Variants in NLRP7 observed in about 807,000 individuals in gnomAD.
NLRP7 encodes NACHT, LRR and PYD domains-containing protein 7.
NLRP7 carries 72 observed loss-of-function variants against 85.5 expected under a neutral mutation model. That is an observed-to-expected ratio of 0.84 (90% CI 0.70 to 1.02). NLRP7 has a LOEUF of 1.02. Ranked by LOEUF, NLRP7 falls within the 50% of genes least tolerant of loss-of-function variation. The pLI is 0.00. For synonymous variants in NLRP7, 550 were observed against 505.2 expected (o/e 1.09, Z -1.19); for missense variants, 1,243 against 1,219.5 (o/e 1.02, Z -0.29).
intron 9 of NLRP7, 70 bp downstream of exon 9, chr19:54,930,429 T>C: frequency 8.8e-7 from 1 of 1,130,712 alleles, no homozygotes; most frequent in Non-Finnish European, 1.3e-6. Flanking sequence ...CCCACTGCAC[T>C]CCAGGCTGGG....
chr19:54,947,257 G>A (rs1324561892), intron 1 of NLRP7, among the ~76,000 whole-genome samples: 3 of 151,928 alleles, frequency 2.0e-5, no homozygotes, highest in Non-Finnish European at 4.4e-5. Flanking sequence ...AACCCAGGAG[G>A]CGGAGTTTGC....
chr19:54,940,590 G>A, intron 3 of NLRP7, 124 bp from the exon 4 acceptor site: 1 of 1,117,062 alleles, frequency 9.0e-7, no homozygotes, highest in Non-Finnish European at 1.3e-6. Context: ...ACTTTGGGAG[G>A]CCAAGGTGGG....
At chr19:54,943,566 A>C (rs935988479) in intron 1 of NLRP7, among the ~76,000 whole-genome samples, 28 of 127,752 alleles carry the variant, frequency 2.2e-4, no homozygotes, top group African/African-American at 7.6e-4. Flanking sequence ...GCGCCACCGC[A>C]CTCCAGCCTG....
At chr19:54,936,558 G>A (rs946270812) in intron 5 of NLRP7, 127 bp from the exon 6 acceptor site, 82 of 828,828 alleles carry the variant, frequency 9.9e-5, no homozygotes, top group Non-Finnish European at 1.6e-4. Flanking sequence ...GCAGTGGCTC[G>A]TGTCTGTAAC....
chr19:54,938,095 C>G lies in NLRP7; in HGVS notation c.2078G>C (p.Arg693Pro), dbSNP rs104895502. 86 of 1,613,900 alleles carry G rather than the reference C, an allele frequency of 5.3e-5. No homozygotes were observed. Among genetic ancestry groups the G allele is most frequent in the South Asian group, 2.2e-4 (20 of 91,076 alleles). The stretch of plus-strand genomic sequence containing the variant: ...ACGGGTTACGTGGTCACAAAGAATC[C>G]GCACAGAAGAGTCACTCAGGAAGCT... Residue 693 changes from arginine to proline, a missense_variant, in exon 5 of 10, where the codon CGG (arginine) becomes CCG (proline). Coordinates refer to ENST00000340844, the Ensembl canonical transcript of NLRP7.
At chr19:54,936,403 A>T in exon 6 of NLRP7, 1 of 1,614,044 alleles carries the variant, frequency 6.2e-7, no homozygotes, top group Non-Finnish European at 8.5e-7. Context: ...AAGTCCCGGT[A>T]CGCGGTGTCA....
At chr19:54,924,798 T>C (rs1023317884) in intron 9 of NLRP7, among the ~76,000 whole-genome samples, 9 of 152,014 alleles carry the variant, frequency 5.9e-5, no homozygotes, top group African/African-American at 1.9e-4. Context: ...TAGCTGGGCA[T>C]GGTGGCAGAC....
chr19:54,954,810 G>A (rs2069798625), intron 1 of NLRP7, among the ~76,000 whole-genome samples: 1 of 151,944 alleles, frequency 6.6e-6, no homozygotes, highest in African/African-American at 2.4e-5. Context: ...CCAAGATCAC[G>A]CCACTGCACT....
chr19:54,949,582 G>T (rs2069605392), upstream of NLRP7, among the ~76,000 whole-genome samples: 1 of 152,052 alleles, frequency 6.6e-6, no homozygotes, highest in Admixed American at 6.6e-5. Context: ...AACCACACCT[G>T]AGTTTATGTA....
At chr19:54,951,973 C>G (rs1481957210), upstream of NLRP7, among the ~76,000 whole-genome samples, 1 of 152,000 alleles carries the variant, frequency 6.6e-6, no homozygotes, top group Non-Finnish European at 1.5e-5. Flanking sequence ...AGGATGGTCT[C>G]GATCTCCTGA....
In NLRP7 at chr19:54,930,714, G is replaced by A. The variant is rs185936839; in HGVS notation, c.2643-48C>T. The stretch of plus-strand genomic sequence containing the variant: ...GAAGCCTGTTATCCCTCTGGCTAAC[G>A]CCCTGTGAAGCAGTTATTTCCAACA... On this transcript the variant is annotated intron_variant, in intron 8 of 9. Coordinates refer to ENST00000340844, the Ensembl canonical transcript of NLRP7. 63 of 1,493,640 alleles carry A rather than the reference G, an allele frequency of 4.2e-5. No homozygotes were observed. The South Asian group carries it at 4.4e-4, about 10-fold the overall frequency. The allele number at this position is 1,493,640 out of a possible 1,614,324, so 92.5% of individuals were successfully genotyped here.
chr19:54,939,585 G>C (rs2069115889), exon 4 of NLRP7: 1 of 1,611,532 alleles, frequency 6.2e-7, no homozygotes, highest in African/African-American at 1.3e-5. Flanking sequence ...AGCGTCCGCA[G>C]CGCGCCCCGC....
chr19:54,961,559 G>A (rs990827922), intron 1 of NLRP7, among the ~76,000 whole-genome samples: 3 of 151,152 alleles, frequency 2.0e-5, no homozygotes, highest in Non-Finnish European at 1.5e-5. Context: ...TACTGTGGCT[G>A]GGCGTGGTGG....
intron 9 of NLRP7, among the ~76,000 whole-genome samples, chr19:54,929,582 T>C (rs2068587425): frequency 6.6e-6 from 1 of 152,068 alleles, no homozygotes; most frequent in South Asian, 2.1e-4. Context: ...CTGGGGGTGG[T>C]ATCCCACCTA....
At chr19:54,936,342 C>T (rs150979252) in exon 6 of NLRP7, 2 of 1,614,018 alleles carry the variant, frequency 1.2e-6, no homozygotes, top group African/African-American at 2.7e-5. Flanking sequence ...CTCGATGTGC[C>T]CTGCCAGGGT....
Position 54,941,441 on chromosome 19 carries a change from T to C in NLRP7, c.271A>G (p.Met91Val), listed in dbSNP as rs201748256. 27 of 1,325,516 alleles carry C rather than the reference T, an allele frequency of 2.0e-5. No individual in the cohort carries two copies. In the East Asian group the frequency reaches 6.2e-4, roughly 30 times the overall value. The allele number at this position is 1,325,516 out of a possible 1,614,324, so 82.1% of individuals were successfully genotyped here. A position where few individuals can be genotyped will look rare whatever the true frequency, so the allele number is the denominator to read the frequency against. Residue 91 changes from methionine (M) to valine (V), a missense_variant, in exon 2 of 10, where the codon ATG becomes GTG. Physicochemically the swap from Met to Val is conservative, Grantham distance 21 (BLOSUM62 1). Transcript: ENST00000340844. Reference sequence around the variant, plus strand: ...CACCCCAGGTTCTACTTACCCATCATCTCAGCCTTTGCCATCTTACACAAT... The same window carrying C: ...CACCCCAGGTTCTACTTACCCATCACCTCAGCCTTTGCCATCTTACACAAT...
intron 1 of NLRP7, among the ~76,000 whole-genome samples, chr19:54,954,560 C>G (rs1223841268): frequency 1.4e-5 from 2 of 144,834 alleles, no homozygotes; most frequent in Admixed American, 1.4e-4. Context: ...AAAGGGCAAC[C>G]GAGGCCGGAC....
chr19:54,932,062 A>T (rs2068702099), intron 8 of NLRP7, among the ~76,000 whole-genome samples: 1 of 152,102 alleles, frequency 6.6e-6, no homozygotes, highest in South Asian at 2.1e-4. Flanking sequence ...CTACATATAT[A>T]GGGGTATAGT....
chr19:54,943,579 C>A (rs775889), intron 1 of NLRP7, among the ~76,000 whole-genome samples: 20 of 138,962 alleles, frequency 1.4e-4, no homozygotes, highest in Admixed American at 4.8e-4. Context: ...CCAGCCTGGG[C>A]GACAGAGCGA....
Sources: gnomAD v4.1 joint callset for allele counts (sites outside exome capture counted in the v4.1 genomes callset) on GRCh38, gnomAD v4.1.1 for gene constraint, MANE v1.5 for transcripts, NCBI Gene and HGNC (gene_info 2026-07-23, HGNC 2026-07-21) for gene names.